STIP1: variants seen among roughly 807,000 people sequenced by gnomAD.
STIP1 encodes stress induced phosphoprotein 1.
STIP1 carries 16 observed loss-of-function variants against 77.4 expected under a neutral mutation model. The ratio of observed to expected loss-of-function variants is 0.21; its 90% CI spans 0.14 to 0.31. The LOEUF (loss-of-function observed/expected upper bound fraction) is 0.31. Ranked by LOEUF, STIP1 falls within the 10% of genes least tolerant of loss-of-function variation. The pLI, the probability that STIP1 is intolerant of heterozygous loss-of-function variation, is 1.00. For missense variants in STIP1, 524 were observed against 684.8 expected (o/e 0.77, Z 2.62); for synonymous variants, 258 against 246.6 (o/e 1.05, Z -0.44).
Position 64,203,630 on chromosome 11 carries a change from G to C in STIP1, c.1559+8G>C, listed in dbSNP as rs141373736. On this transcript the variant is annotated splice_region_variant and intron_variant, in intron 13 of 13. Coordinates refer to ENST00000305218, the MANE Select transcript of STIP1 (RefSeq NM_006819.3). ...CCCCCAGGCACTCAGCGAGTACGTA[G>C]AGTCAGAGAGGCGGCCTTGCTGGAA... 6.2e-7 allele frequency: 1 copy of C among 1,614,180 alleles called. No individual in the cohort carries two copies. Among genetic ancestry groups the C allele is most frequent in the Non-Finnish European group, 8.5e-7 (1 of 1,180,030 alleles).
rs368743038 is a variant in STIP1 at position 64,194,634 on chromosome 11, G to A, written c.503+14G>A. 55 of 1,608,864 alleles carry A rather than the reference G, an allele frequency of 3.4e-5. No homozygotes were observed. Among genetic ancestry groups the A allele is most frequent in the African/African-American group, 2.3e-4 (17 of 74,808 alleles). On this transcript the variant is annotated intron_variant, in intron 4 of 13. Transcript: ENST00000305218. Reference sequence around the variant, plus strand: ...TGACCTGGGCACGTAAGTGGACGCCGCTCACTGAGGTTCTGGAAATCGGGG... The same window carrying A: ...TGACCTGGGCACGTAAGTGGACGCCACTCACTGAGGTTCTGGAAATCGGGG...
chr11:64,191,336 G>A (rs547923518), intron 1 of STIP1, among the ~76,000 whole-genome samples: 24 of 151,632 alleles, frequency 1.6e-4, no homozygotes, highest in South Asian at 6.3e-4. Flanking sequence ...GGCCAGGCGC[G>A]GTGGCTCACG....
chr11:64,187,864 G>A (rs1386200527), intron 1 of STIP1, among the ~76,000 whole-genome samples: 1 of 151,862 alleles, frequency 6.6e-6, no homozygotes, highest in African/African-American at 2.4e-5. Flanking sequence ...AATTAGCCGG[G>A]CGTGGTGGCG....
chr11:64,189,066 A>G (rs1946060880), intron 1 of STIP1, among the ~76,000 whole-genome samples: 1 of 152,218 alleles, frequency 6.6e-6, no homozygotes, highest in South Asian at 2.1e-4. Context: ...AATACAAAAG[A>G]AAAAAGAAAA....
intron 4 of STIP1, 33 bp downstream of exon 4, chr11:64,194,653 A>T: frequency 6.2e-7 from 1 of 1,606,266 alleles, no homozygotes; most frequent in South Asian, 1.1e-5. Context: ...GGTTCTGGAA[A>T]TCGGGGAATG....
Position 64,197,994 on chromosome 11 carries a change from G to C in STIP1, c.1023+20G>C. 6.3e-7 allele frequency: 1 copy of C among 1,591,832 alleles called. No homozygotes were observed. ...CAGCAGGTGCGTAGGAAAAGAATAG[G>C]GGTATTTTCTTGTTTTCCTAATAAT... On this transcript the variant is annotated intron_variant, in intron 8 of 13. Coordinates refer to ENST00000305218, the MANE Select transcript of STIP1 (RefSeq NM_006819.3).
Position 64,193,264 on chromosome 11 carries a change from G to A in STIP1, c.196G>A (p.Asp66Asn), listed in dbSNP as rs749026924. ...KAYEDGCKTV[D>N]LKPDWGKGYS... ...TTATGAGGATGGCTGCAAGACTGTCGACCTAAAGCCTGACTGGGGCAAGGT... is the reference window on the plus strand; with the variant it reads ...TTATGAGGATGGCTGCAAGACTGTCAACCTAAAGCCTGACTGGGGCAAGGT... The change falls in exon 2 of 14, where the codon GAC becomes AAC. Residue 66 changes from aspartate (D) to asparagine (N), a missense_variant. Physicochemically the swap from Asp to Asn is conservative, Grantham distance 23. Coordinates refer to ENST00000305218, the MANE Select transcript of STIP1 (RefSeq NM_006819.3). 31 of 1,614,192 alleles carry A rather than the reference G, an allele frequency of 1.9e-5. No homozygotes were observed. The Middle Eastern group carries it at 6.6e-4, about 34-fold the overall frequency.
At chr11:64,187,837 T>C (rs372121229) in intron 1 of STIP1, among the ~76,000 whole-genome samples, 5 of 151,574 alleles carry the variant, frequency 3.3e-5, no homozygotes, top group African/African-American at 9.7e-5. Flanking sequence ...CCGTCTCTAC[T>C]AAAAATACAG....
intron 10 of STIP1, among the ~76,000 whole-genome samples, chr11:64,201,420 A>G (rs756450645): frequency 6.6e-6 from 1 of 152,204 alleles, no homozygotes; most frequent in South Asian, 2.1e-4. Context: ...TTGCTCAGCT[A>G]GGTAGGTCTG....
chr11:64,202,636 T>C (rs1946232184), intron 10 of STIP1: 3 of 566,090 alleles, frequency 5.3e-6, no homozygotes, highest in Admixed American at 3.1e-5. Flanking sequence ...CATGTACTCT[T>C]CAGTTTCTCA....
chr11:64,189,654 G>C (rs1946069071), intron 1 of STIP1, among the ~76,000 whole-genome samples: 2 of 151,946 alleles, frequency 1.3e-5, no homozygotes, highest in African/African-American at 4.8e-5. Flanking sequence ...AACACATTCA[G>C]CAAAACAGTA....
chr11:64,203,944 C>T (rs545612269), intron 13 of STIP1, 110 bp from the exon 14 acceptor site: 108 of 1,334,428 alleles, frequency 8.1e-5, no homozygotes, highest in African/African-American at 1.6e-4. Flanking sequence ...CTCGCCAGGA[C>T]CCCTCCCTGC....
intron 13 of STIP1, 142 bp from the exon 14 acceptor site, chr11:64,203,912 T>C: frequency 9.9e-7 from 1 of 1,005,200 alleles, no homozygotes; most frequent in Admixed American, 2.2e-5. Context: ...GGAGCAGGCC[T>C]CTGCAGCTCG....
Position 64,197,508 on chromosome 11 carries a change from A to C in STIP1, c.815A>C (p.Lys272Thr). Residue 272 changes from lysine to threonine, a missense_variant, in exon 7 of 14, where the codon AAG becomes ACG. Physicochemically the swap from Lys to Thr is moderately conservative, Grantham distance 78. Coordinates refer to ENST00000305218, the MANE Select transcript of STIP1 (RefSeq NM_006819.3). ...TGCCTGGCAGCGGTATACTTTGAAA[A>C]GGGCGACTACAATAAGTGCCGGGAG... The part of the protein sequence containing the change: ...ITNQAAVYFE[K>T]GDYNKCRELC... 6.2e-7 allele frequency: 1 copy of C among 1,614,162 alleles called. No homozygotes were observed. Among genetic ancestry groups the C allele is most frequent in the Non-Finnish European group, 8.5e-7 (1 of 1,180,032 alleles).
rs1324380251 is a variant in STIP1, at chr11:64,186,268, C to G, written c.7C>G (p.Gln3Glu). The change falls in exon 1 of 14, where the codon CAG becomes GAG. Residue 3 changes from glutamine to glutamate, a missense_variant and splice_region_variant. Transcript: ENST00000305218. ...TTCCGGACCGCGCTGCGCTATGGAG[C>G]AGGTGAAGGGGGAGGGGCGGGCTGA... Reference protein sequence around the residue: MEQVNELKEKGNK... With the variant: MEEVNELKEKGNK... 7 of 1,481,656 alleles carry G rather than the reference C, an allele frequency of 4.7e-6. No individual in the cohort carries two copies. The highest frequency in any genetic ancestry group is 1.5e-5 in the African/African-American group (1 of 67,474). The allele number at this position is 1,481,656 out of a possible 1,614,324, so 91.8% of individuals were successfully genotyped here.
chr11:64,203,937 G>A lies in STIP1; in HGVS notation c.1560-117G>A, dbSNP rs375407418. On this transcript the variant is annotated intron_variant, in intron 13 of 13. Coordinates refer to ENST00000305218, the MANE Select transcript of STIP1 (RefSeq NM_006819.3). Reference sequence around the variant, plus strand: ...TCTGCAGCTCGGCGCCCCGGGCCTCGCCAGGACCCCTCCCTGCCGGGGCCT... The same window carrying A: ...TCTGCAGCTCGGCGCCCCGGGCCTCACCAGGACCCCTCCCTGCCGGGGCCT... The A allele has an allele frequency of 2.4e-5, 31 of 1,290,878 alleles. No individual in the cohort carries two copies. The African/African-American group carries it at 3.5e-4, about 15-fold the overall frequency. 80.0% of individuals were successfully genotyped at this position (1,290,878 alleles called of 1,614,324 possible).
chr11:64,187,344 T>C (rs1375155269), intron 1 of STIP1, among the ~76,000 whole-genome samples: 1 of 151,916 alleles, frequency 6.6e-6, no homozygotes, highest in Non-Finnish European at 1.5e-5. Context: ...GGAGTACTAC[T>C]GTCTTCGCTC....
chr11:64,191,677 C>T (rs992303625), intron 1 of STIP1, among the ~76,000 whole-genome samples: 65 of 151,890 alleles, frequency 4.3e-4, no homozygotes, highest in African/African-American at 1.5e-3. Context: ...CTGTGGGGCA[C>T]CTGACCTTTT....
chr11:64,198,221 A>G (rs375099788), intron 8 of STIP1, among the ~76,000 whole-genome samples: 1 of 151,580 alleles, frequency 6.6e-6, no homozygotes, highest in Non-Finnish European at 1.5e-5. Flanking sequence ...ACGTCCAGCT[A>G]ATTTTTTTTT....
Sources: gnomAD v4.1 joint callset for allele counts (sites outside exome capture counted in the v4.1 genomes callset) on GRCh38, gnomAD v4.1.1 for gene constraint, MANE v1.5 for transcripts, NCBI Gene and HGNC (gene_info 2026-07-23, HGNC 2026-07-21) for gene names.